Variants in BBX observed in about 807,000 individuals in gnomAD.
The protein encoded by BBX is HMG box transcription factor BBX.
A neutral mutation model predicts 100.2 loss-of-function variants in BBX; 30 were observed. That is an observed-to-expected ratio of 0.30 (90% CI 0.22 to 0.41). The LOEUF is 0.41. Among genes scored for constraint, BBX ranks in the 10% least tolerant of loss-of-function variants. The pLI is 1.00. For synonymous variants in BBX, 376 were observed against 388.1 expected, an observed-to-expected ratio of 0.97 and a Z score of 0.37; for missense variants, 1,023 against 1,129.8, an observed-to-expected ratio of 0.91 and a Z score of 1.35.
At chr3:107,698,728 A>T (rs997016668) in intron 3 of BBX, among the ~76,000 whole-genome samples, 1 of 151,734 alleles carries the variant, frequency 6.6e-6, no homozygotes, top group Admixed American at 6.6e-5. Context: ...GGTGATTGAT[A>T]CAGGAGAAAA....
At chr3:107,564,590 CA>C (rs1456446191) in intron 2 of BBX, among the ~76,000 whole-genome samples, 1 of 152,226 alleles carries the variant, frequency 6.6e-6, no homozygotes, top group Non-Finnish European at 1.5e-5. Flanking sequence ...ATCCTCCACA[CA>C]GGGGGTGGAC....
chr3:107,608,754 A>T (rs1181803925), intron 2 of BBX, among the ~76,000 whole-genome samples: 1 of 152,164 alleles, frequency 6.6e-6, no homozygotes, highest in Non-Finnish European at 1.5e-5. Flanking sequence ...AATGTTAAAT[A>T]GTTTTCATTG....
chr3:107,643,486 T>G (rs1399195977), intron 2 of BBX, among the ~76,000 whole-genome samples: 3 of 151,932 alleles, frequency 2.0e-5, no homozygotes, highest in Admixed American at 1.3e-4. Flanking sequence ...GCAGTGGAGC[T>G]AATCACCAGG....
At chr3:107,668,453 A>T (rs2058858489) in intron 3 of BBX, among the ~76,000 whole-genome samples, 1 of 152,128 alleles carries the variant, frequency 6.6e-6, no homozygotes. Flanking sequence ...TGTTTCTTAT[A>T]ATCAGGTTGA....
chr3:107,735,769 A>T (rs1006271586), intron 7 of BBX, among the ~76,000 whole-genome samples: 1 of 152,036 alleles, frequency 6.6e-6, no homozygotes, highest in African/African-American at 2.4e-5. Flanking sequence ...TGAGATATCA[A>T]TCGCAAATAA....
chr3:107,767,535 G>A (rs2066496228), intron 10 of BBX, among the ~76,000 whole-genome samples: 1 of 152,176 alleles, frequency 6.6e-6, no homozygotes, highest in African/African-American at 2.4e-5. Flanking sequence ...CAAGTTGTGT[G>A]AAATAGGAGA....
At chr3:107,654,497 C>T (rs2058023599) in intron 3 of BBX, among the ~76,000 whole-genome samples, 1 of 151,638 alleles carries the variant, frequency 6.6e-6, no homozygotes, top group East Asian at 1.9e-4. Context: ...TATTATGTGC[C>T]TCTGAAAAAA....
At position 107,810,715 on chromosome 3, in the gene BBX, C is replaced by G. The variant is rs2071252454; in HGVS notation, c.*5258C>G. On this transcript the variant is annotated 3_prime_UTR_variant, in exon 18 of 18. Coordinates refer to ENST00000325805, the MANE Select transcript of BBX (RefSeq NM_001142568.3). ...TGGCTCAGCAACGTTTTCTCCATTTCATTAGCACTAAACAAGTCTCTTGCT... is the reference window on the plus strand; with the variant it reads ...TGGCTCAGCAACGTTTTCTCCATTTGATTAGCACTAAACAAGTCTCTTGCT... 1 of 152,228 alleles carries G rather than the reference C, an allele frequency of 6.6e-6. No homozygotes were observed. 9.4% of individuals were successfully genotyped at this position (152,228 alleles called of 1,614,324 possible).
chr3:107,772,922 C>T lies in BBX; in HGVS notation c.1201C>T (p.His401Tyr). ...TAGAAAGGAAGAGTTAGAAGAAGAT[C>T]ACAAATGTAGTCATTTTCCTGATTT... ...EIRKEELEEDHKCSHFPDFSY... is the reference protein window; with the variant it reads ...EIRKEELEEDYKCSHFPDFSY... Residue 401 changes from histidine to tyrosine, a missense_variant, in exon 11 of 18, where the codon CAC becomes TAC. This residue lies in a region of BBX where 348 missense variants were observed against 353.2 expected (regional missense o/e 0.99). Coordinates refer to ENST00000325805, the MANE Select transcript of BBX (RefSeq NM_001142568.3). 1 of 1,610,082 alleles carries T rather than the reference C, an allele frequency of 6.2e-7. No homozygotes were observed. The highest frequency in any genetic ancestry group is 1.3e-5 in the African/African-American group (1 of 74,792).
chr3:107,716,535 A>G (rs890681422), intron 4 of BBX, 72 bp from the exon 5 acceptor site: 2 of 1,555,888 alleles, frequency 1.3e-6, no homozygotes, highest in Non-Finnish European at 1.7e-6. Flanking sequence ...CAATTTGCAA[A>G]CCAAGACTAA....
intron 9 of BBX, among the ~76,000 whole-genome samples, chr3:107,750,370 G>A (rs1465883194): frequency 6.6e-6 from 1 of 152,114 alleles, no homozygotes; most frequent in Non-Finnish European, 1.5e-5. Flanking sequence ...ATGACAGAAA[G>A]ACCAAAATAA....
intron 16 of BBX, 145 bp downstream of exon 16, chr3:107,798,865 A>C: frequency 2.1e-6 from 2 of 935,734 alleles, no homozygotes; most frequent in South Asian, 1.8e-5. Flanking sequence ...AACAAAAAAA[A>C]CCAGGCCAGG....
At chr3:107,607,316 G>A (rs2054523173) in intron 2 of BBX, among the ~76,000 whole-genome samples, 1 of 152,096 alleles carries the variant, frequency 6.6e-6, no homozygotes. Context: ...CCTGACCTCA[G>A]GTGATCCACC....
At position 107,801,146 on chromosome 3, in the gene BBX, C is replaced by T. The variant is rs1475550309; in HGVS notation, c.2603C>T (p.Thr868Ile). The stretch of plus-strand genomic sequence containing the variant: ...AGGAGTCTCCCTAAAGCAACTGAGA[C>T]AGACTGCAATGACAAATGCTCACAC... ...LQRSLPKATE[T>I]DCNDKCSHNT... The change falls in exon 17 of 18, where the codon ACA (threonine) becomes ATA (isoleucine). Residue 868 changes from threonine (T) to isoleucine (I), a missense_variant. Physicochemically the swap from Thr to Ile is moderately conservative, Grantham distance 89. Around this residue, in one of 9 missense-constraint regions of BBX, gnomAD observed 104 missense variants for 132.2 expected, o/e 0.79. Coordinates refer to ENST00000325805, the MANE Select transcript of BBX (RefSeq NM_001142568.3). 1 of 1,614,198 alleles carries T rather than the reference C, an allele frequency of 6.2e-7. No homozygotes were observed. The highest frequency in any genetic ancestry group is 1.7e-5 in the Admixed American group (1 of 60,028).
At chr3:107,553,029 T>C (rs1232545102) in intron 2 of BBX, among the ~76,000 whole-genome samples, 3 of 152,232 alleles carry the variant, frequency 2.0e-5, no homozygotes, top group Non-Finnish European at 2.9e-5. Flanking sequence ...AATTTTATTT[T>C]GGTGTTAACA....
chr3:107,748,338 GC>G (rs1487050261), intron 9 of BBX, among the ~76,000 whole-genome samples: 2 of 152,074 alleles, frequency 1.3e-5, no homozygotes, highest in African/African-American at 4.8e-5. Context: ...TGGAAAAACT[GC>G]TGTCAACAAG....
intron 2 of BBX, among the ~76,000 whole-genome samples, chr3:107,528,905 A>G (rs2047963060): frequency 6.6e-6 from 1 of 152,212 alleles, no homozygotes; most frequent in South Asian, 2.1e-4. Context: ...CTTACATTTC[A>G]TAAAGAACAT....
At chr3:107,693,146 G>A (rs1443636551) in intron 3 of BBX, among the ~76,000 whole-genome samples, 1 of 149,434 alleles carries the variant, frequency 6.7e-6, no homozygotes, top group Non-Finnish European at 1.5e-5. Flanking sequence ...CATTTTGTAG[G>A]TTGCCTGTTC....
intron 13 of BBX, among the ~76,000 whole-genome samples, chr3:107,786,349 G>GA (rs917392665): frequency 4.6e-5 from 7 of 151,920 alleles, no homozygotes; most frequent in South Asian, 2.1e-4. Flanking sequence ...AAGATATTCA[G>GA]AAAAAACAAA....
Sources: gnomAD v4.1 joint callset for allele counts (sites outside exome capture counted in the v4.1 genomes callset) on GRCh38, gnomAD v4.1.1 for gene constraint, gnomAD v4.1.1 regional missense constraint, MANE v1.5 for transcripts, NCBI Gene and HGNC (gene_info 2026-07-23, HGNC 2026-07-21) for gene names.